Variants in FLII observed in about 807,000 individuals in gnomAD.
FLII encodes the protein FLII actin remodeling protein.
FLII carries 101 observed loss-of-function variants against 156.2 expected under a neutral mutation model. The observed-to-expected ratio is 0.65, with a 90% CI of 0.55 to 0.76. The LOEUF is 0.76. Ranked by LOEUF, FLII falls within the 30% of genes least tolerant of loss-of-function variation. The pLI is 0.00. For missense variants in FLII, 1,675 were observed against 1,682.8 expected (o/e 1.00, Z 0.08); for synonymous variants, 767 against 685.8 (o/e 1.12, Z -1.85).
Position 18,246,966 on chromosome 17 carries a change from C to T in FLII, c.2763G>A (p.Pro921=), listed in dbSNP as rs761798986. The part of the protein sequence containing the change: ...VLEGKKFARL[P]EEEFGHFYTQ... ...TGTAGAAGTGGCCAAACTCCTCTTC[C>T]GGCAGCCGCGCAAACTTCTTGCCCT... Residue 921 remains proline, a synonymous_variant, in exon 22 of 30, where the codon CCG becomes CCA. Transcript: ENST00000327031. 14 of 1,613,978 alleles carry T rather than the reference C, an allele frequency of 8.7e-6. No homozygotes were observed. The highest frequency in any genetic ancestry group is 8.3e-5 in the Admixed American group (5 of 59,996).
intron 14 of FLII, among the ~76,000 whole-genome samples, 168 bp downstream of exon 14, chr17:18,250,670 A>G (rs1339044215): frequency 2.0e-5 from 3 of 151,968 alleles, no homozygotes; most frequent in Non-Finnish European, 4.4e-5. Context: ...CTTAGACCTC[A>G]CCCTGCGGTC....
chr17:18,254,739 C>T lies in FLII; in HGVS notation c.413+30G>A, dbSNP rs939067412. On this transcript the variant is annotated intron_variant, in intron 5 of 29. Transcript: ENST00000327031. ...AGCACCAGCCACCCCACAGGGCCCA[C>T]CTGCCCCCTGCCCCCCACTGGCCTG... The T allele has an allele frequency of 6.8e-6, 11 of 1,613,804 alleles. No homozygotes were observed. In the African/African-American group the frequency reaches 1.1e-4, roughly 16 times the overall value.
At position 18,246,167 on chromosome 17, in the gene FLII, G is replaced by C. The variant is rs537633078; in HGVS notation, c.3262C>G (p.Leu1088Val). Residue 1088 changes from leucine to valine, a missense_variant, in exon 25 of 30, where the codon CTC (leucine) becomes GTC (valine). By Grantham distance (32) the Leu-to-Val change is conservative. This residue lies in a region of FLII where 1,332 missense variants were observed against 1,269.3 expected (regional missense o/e 1.05). Coordinates refer to ENST00000327031, the MANE Select transcript of FLII (RefSeq NM_002018.4). ...GCTCACACCCACAACCCCACCTTGAGGATGAAGCAGAACTCGGAGTTGAGG... is the reference window on the plus strand; with the variant it reads ...GCTCACACCCACAACCCCACCTTGACGATGAAGCAGAACTCGGAGTTGAGG... ...SLLNSEFCFI[L>V]KVPFESEDNQ... 1 of 1,614,170 alleles carries C rather than the reference G, an allele frequency of 6.2e-7. No homozygotes were observed. The highest frequency in any genetic ancestry group is 2.2e-5 in the East Asian group (1 of 44,864).
Position 18,246,666 on chromosome 17 carries a change from G to C in FLII, c.2979C>G (p.Ser993=), listed in dbSNP as rs762318935. ...IVYFWQGREA[S]NMGWLTFTFS... is the part of the protein sequence containing the mutation. Reference sequence around the variant, plus strand: ...AGGTGAAGGTGAGCCAGCCCATATTGGAGGCTTCACGGCCCTGCCAGAAGT... The same window carrying C: ...AGGTGAAGGTGAGCCAGCCCATATTCGAGGCTTCACGGCCCTGCCAGAAGT... The change falls in exon 23 of 30, where the codon TCC becomes TCG. Residue 993 remains serine (S), a synonymous_variant. Coordinates refer to ENST00000327031, the MANE Select transcript of FLII (RefSeq NM_002018.4). 39 of 1,613,862 alleles carry C rather than the reference G, an allele frequency of 2.4e-5. No homozygotes were observed. The highest frequency in any genetic ancestry group is 3.3e-5 in the Non-Finnish European group (39 of 1,179,892).
At chr17:18,246,258 C>T in intron 24 of FLII, 36 bp from the exon 25 acceptor site, 1 of 1,614,146 alleles carries the variant, frequency 6.2e-7, no homozygotes, top group Non-Finnish European at 8.5e-7. Context: ...AGGATTCAGG[C>T]CTGGCTCCCT....
chr17:18,254,326 T>C (rs1214923728), intron 6 of FLII, 144 bp from the exon 7 acceptor site: 6 of 811,720 alleles, frequency 7.4e-6, no homozygotes, highest in South Asian at 3.6e-5. Context: ...CCAAGGGTGG[T>C]TGCGGGGTGT....
intron 1 of FLII, 143 bp from the exon 2 acceptor site, chr17:18,257,162 C>T (rs1028558570): frequency 1.3e-4 from 74 of 571,086 alleles, no homozygotes; most frequent in Middle Eastern, 7.3e-4. Context: ...CATCATTGTG[C>T]CTCAATTTCT....
At chr17:18,247,900 GCCCCAC>G (rs1233743743) in intron 19 of FLII, 23 bp downstream of exon 19, 1 of 1,612,552 alleles carries the variant, frequency 6.2e-7, no homozygotes, top group Admixed American at 1.7e-5. Context: ...GAGGGATCTG[GCCCCAC>G]GCCCTCCTCC....
intron 18 of FLII, 93 bp from the exon 19 acceptor site, chr17:18,248,126 G>A (rs1481085910): frequency 7.4e-6 from 6 of 811,954 alleles, no homozygotes; most frequent in Non-Finnish European, 1.2e-5. Flanking sequence ...CTGCCCTGCA[G>A]CGTGGCTCAC....
intron 4 of FLII, 52 bp downstream of exon 4, chr17:18,255,131 G>T: frequency 7.3e-7 from 1 of 1,374,730 alleles, no homozygotes; most frequent in Non-Finnish European, 1.0e-6. Flanking sequence ...TAGTGAGTGG[G>T]GATTGAATGG....
intron 18 of FLII, among the ~76,000 whole-genome samples, chr17:18,248,278 A>C (rs1467188742): frequency 6.6e-6 from 1 of 152,168 alleles, no homozygotes; most frequent in Non-Finnish European, 1.5e-5. Flanking sequence ...CCTGTTCACA[A>C]GAATCTAGAT....
intron 19 of FLII, 36 bp downstream of exon 19, chr17:18,247,893 G>T: frequency 2.5e-6 from 4 of 1,613,300 alleles, no homozygotes; most frequent in Non-Finnish European, 2.5e-6. Context: ...CAACGGGGAG[G>T]GATCTGGCCC....
intron 27 of FLII, 41 bp downstream of exon 27, chr17:18,245,703 C>G: frequency 2.5e-6 from 4 of 1,611,466 alleles, no homozygotes; most frequent in Non-Finnish European, 3.4e-6. Context: ...TCATAAGCAG[C>G]AGTGCCAGGA....
At position 18,247,292 on chromosome 17, in the gene FLII, C is replaced by T; in HGVS notation, c.2553G>A (p.Glu851=). Residue 851 remains glutamate (E), a synonymous_variant, in exon 21 of 30, where the codon GAG becomes GAA. Coordinates refer to ENST00000327031, the MANE Select transcript of FLII (RefSeq NM_002018.4). Reference sequence around the variant, plus strand: ...AGAGACCCGGGCTCTGCAGCACGGCCTCCGCATTGCGTGTGTAGTCCACCG... The same window carrying T: ...AGAGACCCGGGCTCTGCAGCACGGCTTCCGCATTGCGTGTGTAGTCCACCG... The part of the protein sequence containing the change: ...VLTVDYTRNA[E]AVLQSPGLSG... 6.2e-7 allele frequency: 1 copy of T among 1,612,562 alleles called. No homozygotes were observed. The highest frequency in any genetic ancestry group is 8.5e-7 in the Non-Finnish European group (1 of 1,179,650).
intron 6 of FLII, 116 bp downstream of exon 6, chr17:18,254,405 T>G: frequency 9.2e-7 from 1 of 1,086,732 alleles, no homozygotes. Flanking sequence ...GGGTGCTGCC[T>G]GCACGGAGGG....
In FLII at chr17:18,248,659, A is replaced by C; in HGVS notation, c.2081T>G (p.Val694Gly). The change falls in exon 18 of 30, where the codon GTG (valine) becomes GGG (glycine). Residue 694 changes from valine to glycine, a missense_variant. Transcript: ENST00000327031. ...RKGKAEITLLVQGQELPEFWE... is the reference protein window; with the variant it reads ...RKGKAEITLLGQGQELPEFWE... The stretch of plus-strand genomic sequence containing the variant: ...GAACTCTGGGAGCTCCTGGCCCTGC[A>C]CCAGCAGTGTGATCTCAGCCTTCCC... 9.9e-6 allele frequency: 16 copies of C among 1,613,982 alleles called. No homozygotes were observed. The highest frequency in any genetic ancestry group is 1.3e-5 in the Non-Finnish European group (15 of 1,179,952).
At position 18,258,611 on chromosome 17, in the gene FLII, C is replaced by T. The variant is rs762931752; in HGVS notation, c.63+17G>A. 3.2e-6 allele frequency: 5 copies of T among 1,550,840 alleles called. 1 individual carries two copies. The South Asian group carries it at 4.7e-5, about 15-fold the overall frequency. On this transcript the variant is annotated intron_variant, in intron 1 of 29. Transcript: ENST00000327031. This position sits in a 1 kb window ranked among gnomAD's most constrained non-coding sequence, Gnocchi z 4.2. ...AAGGCCTGCAGGGAGGCCCGGCACG[C>T]GCCCGGCCCGGCTCACCTTGAAGTC...
In FLII at chr17:18,246,160, A is replaced by C; in HGVS notation, c.3267+2T>G. 6.2e-7 allele frequency: 1 copy of C among 1,613,968 alleles called. No individual in the cohort carries two copies. The highest frequency in any genetic ancestry group is 8.5e-7 in the Non-Finnish European group (1 of 1,179,992). On this transcript the variant is annotated splice_donor_variant, in intron 25 of 29. Coordinates refer to ENST00000327031, the MANE Select transcript of FLII (RefSeq NM_002018.4). LOFTEE classifies it high-confidence loss of function. ...AGTCCTGGCTCACACCCACAACCCC[A>C]CCTTGAGGATGAAGCAGAACTCGGA...
rs1379416039 is a variant in FLII, at chr17:18,246,741, G to C, written c.2904C>G (p.Thr968=). 7 of 1,613,574 alleles carry C rather than the reference G, an allele frequency of 4.3e-6. No homozygotes were observed. The highest frequency in any genetic ancestry group is 4.2e-6 in the Non-Finnish European group (5 of 1,179,742). The change falls in exon 23 of 30, where the codon ACC becomes ACG. Residue 968 remains threonine (T), a synonymous_variant. Transcript: ENST00000327031. ...CTGGCTGCTTCTCCTCTGCCTCAGCGGTTGCTTCCTCGCCTTCTTTGCCCT... is the reference window on the plus strand; with the variant it reads ...CTGGCTGCTTCTCCTCTGCCTCAGCCGTTGCTTCCTCGCCTTCTTTGCCCT... The part of the protein sequence containing the change: ...KAEGKEGEEA[T]AEAEEKQPEE...
Sources: allele counts gnomAD v4.1 joint callset (sites outside exome capture counted in the v4.1 genomes callset), GRCh38; gene constraint gnomAD v4.1.1; regional missense constraint gnomAD v4.1.1; non-coding constraint Gnocchi (gnomAD v3.1); transcripts MANE v1.5; gene names NCBI Gene and HGNC (gene_info 2026-07-23, HGNC 2026-07-21).